TIMP3: variants seen among roughly 807,000 people sequenced by gnomAD.
The protein encoded by TIMP3 is metalloproteinase inhibitor 3.
Under a neutral mutation model 30.0 loss-of-function variants are expected in TIMP3, and 11 were observed. The observed-to-expected ratio is 0.37, with a 90% CI of 0.23 to 0.61. The LOEUF is 0.61. Among genes scored for constraint, TIMP3 ranks in the 20% least tolerant of loss-of-function variants. TIMP3 has a pLI of 0.70. For synonymous variants in TIMP3, 112 were observed against 111.3 expected, an observed-to-expected ratio of 1.01 and a Z score of -0.04; for missense variants, 181 against 276.8, an observed-to-expected ratio of 0.65 and a Z score of 2.45.
chr22:32,822,939 AC>A (rs5845041), intron 1 of TIMP3, among the ~76,000 whole-genome samples: 1 of 116,144 alleles, frequency 8.6e-6, no homozygotes, highest in Non-Finnish European at 1.9e-5. Flanking sequence ...CAAAAAAAAA[AC>A]AGAGAGAGAG....
chr22:32,804,152 A>T (rs1205875277), intron 1 of TIMP3, among the ~76,000 whole-genome samples: 1 of 152,218 alleles, frequency 6.6e-6, no homozygotes, highest in Non-Finnish European at 1.5e-5. Flanking sequence ...ATCAAAAAGA[A>T]AAAAAGAAAC....
At chr22:32,847,087 C>T (rs1050917964) in intron 1 of TIMP3, among the ~76,000 whole-genome samples, 8 of 152,184 alleles carry the variant, frequency 5.3e-5, no homozygotes, top group Admixed American at 5.2e-4. Context: ...TCCCACACCC[C>T]CCGGCCAAGA....
chr22:32,854,205 T>C (rs2146269094), intron 2 of TIMP3, among the ~76,000 whole-genome samples: 1 of 152,322 alleles, frequency 6.6e-6, no homozygotes, highest in South Asian at 2.1e-4. Flanking sequence ...GTTGTTCTTT[T>C]CAGAATTGAC....
rs1287914247 is a variant in TIMP3, at chr22:32,858,177, T to A, written c.438+39T>A. On this transcript the variant is annotated intron_variant, in intron 4 of 4. Coordinates refer to ENST00000266085, the MANE Select transcript of TIMP3 (RefSeq NM_000362.5). Reference sequence around the variant, plus strand: ...TCACTGGGGGAAGGAGGGGAGGTGCTGACTTGCAGCCCTAGAAACATCAGC... The same window carrying A: ...TCACTGGGGGAAGGAGGGGAGGTGCAGACTTGCAGCCCTAGAAACATCAGC... 7 of 1,609,832 alleles carry A rather than the reference T, an allele frequency of 4.3e-6. No individual in the cohort carries two copies. The African/African-American group carries it at 8.0e-5, about 18-fold the overall frequency.
chr22:32,834,874 G>T (rs1017263315), intron 1 of TIMP3, among the ~76,000 whole-genome samples: 1 of 152,192 alleles, frequency 6.6e-6, no homozygotes, highest in African/African-American at 2.4e-5. Flanking sequence ...CAGTCCTAAA[G>T]AATCCTCCAT....
At chr22:32,829,464 A>G (rs548885923) in intron 1 of TIMP3, among the ~76,000 whole-genome samples, 2 of 152,256 alleles carry the variant, frequency 1.3e-5, no homozygotes, top group South Asian at 2.1e-4. Context: ...TTGCACCCAC[A>G]TGTAGGCTCA....
intron 1 of TIMP3, among the ~76,000 whole-genome samples, chr22:32,835,250 C>T (rs1262696615): frequency 1.3e-5 from 2 of 152,188 alleles, no homozygotes; most frequent in African/African-American, 4.8e-5. Context: ...TGTCTTATTT[C>T]ACCCACTGAG....
chr22:32,851,857 C>T (rs1047601793), intron 2 of TIMP3, among the ~76,000 whole-genome samples: 14 of 152,160 alleles, frequency 9.2e-5, no homozygotes, highest in Non-Finnish European at 1.9e-4. Flanking sequence ...TATCCAGAGA[C>T]ACCACTGGAA....
chr22:32,803,339 G>A (rs2046642701), intron 1 of TIMP3, among the ~76,000 whole-genome samples: 1 of 152,188 alleles, frequency 6.6e-6, no homozygotes, highest in Admixed American at 6.5e-5. Context: ...GGAGGGGGAG[G>A]AGGTAGGAGC....
At chr22:32,803,316 C>T (rs899378503) in intron 1 of TIMP3, among the ~76,000 whole-genome samples, 8 of 151,590 alleles carry the variant, frequency 5.3e-5, no homozygotes, top group Non-Finnish European at 8.8e-5. Context: ...ACTCTACCAG[C>T]GTGTTGTGGT....
intron 1 of TIMP3, among the ~76,000 whole-genome samples, chr22:32,842,897 G>C (rs1178539304): frequency 6.6e-6 from 1 of 152,184 alleles, no homozygotes; most frequent in Non-Finnish European, 1.5e-5. Context: ...TGGTGGGTGG[G>C]TGATCAAAGG....
intron 2 of TIMP3, among the ~76,000 whole-genome samples, chr22:32,852,084 C>A (rs1601541569): frequency 6.6e-6 from 1 of 152,212 alleles, no homozygotes; most frequent in Non-Finnish European, 1.5e-5. Flanking sequence ...AGGCATTCTG[C>A]TAGGTCTTTG....
rs575075362 is a variant in TIMP3 at position 32,855,198 on chromosome 22, G to A, written c.205-2051G>A. Among the ~76,000 whole-genome samples, 156 of 152,260 alleles carry A rather than the reference G, an allele frequency of 1.0e-3. 1 individual carries two copies. Among genetic ancestry groups the A allele is most frequent in the Middle Eastern group, 3.4e-3 (1 of 294 alleles). ...TTGTGCAACACCTTGGTGCCCCACC[G>A]CCCCCGTTACCAAATCTCACAGTTC... On this transcript the variant is annotated intron_variant, in intron 2 of 4. Transcript: ENST00000266085.
At position 32,812,667 on chromosome 22, in the gene TIMP3, T is replaced by A. The variant is rs1258622002; in HGVS notation, c.121+10545T>A. 2.2e-4 allele frequency among the ~76,000 whole-genome samples: 34 copies of A among 152,166 alleles called. 1 individual carries two copies. Among genetic ancestry groups the A allele is most frequent in the Non-Finnish European group, 1.5e-4 (10 of 68,038 alleles). ...TGTGGTTCATGGCTCGGCTCAAACA[T>A]TTTCTGTTGCTGAGAGGACTTCTCT... On this transcript the variant is annotated intron_variant, in intron 1 of 4. Transcript: ENST00000266085.
chr22:32,827,830 T>C (rs575087972), intron 1 of TIMP3, among the ~76,000 whole-genome samples: 1 of 152,282 alleles, frequency 6.6e-6, no homozygotes, highest in African/African-American at 2.4e-5. Flanking sequence ...TTTGTCACTG[T>C]CTCTTTTGAA....
Position 32,858,123 on chromosome 22 carries a change from G to A in TIMP3, c.423G>A (p.Leu141=), listed in dbSNP as rs1041552077. 6.2e-7 allele frequency: 1 copy of A among 1,613,886 alleles called. No individual in the cohort carries two copies. The highest frequency in any genetic ancestry group is 1.3e-5 in the African/African-American group (1 of 74,924). The part of the protein sequence containing the change: ...QRKGLNYRYH[L]GCNCKIKSCY... ...AGGGGCTGAACTATCGGTATCACCT[G>A]GGTTGTAACTGCAAGGTAAGCTCTG... Residue 141 remains leucine (L), a synonymous_variant, in exon 4 of 5, where the codon CTG becomes CTA. Coordinates refer to ENST00000266085, the MANE Select transcript of TIMP3 (RefSeq NM_000362.5).
At chr22:32,850,716 C>G (rs2048194422) in intron 2 of TIMP3, among the ~76,000 whole-genome samples, 1 of 152,148 alleles carries the variant, frequency 6.6e-6, no homozygotes, top group Non-Finnish European at 1.5e-5. Context: ...ATATTTGCAT[C>G]CCTAGCAATT....
chr22:32,809,982 A>G (rs191155563), intron 1 of TIMP3, among the ~76,000 whole-genome samples: 5 of 152,334 alleles, frequency 3.3e-5, no homozygotes, highest in Non-Finnish European at 5.9e-5. Context: ...TGCCTGGGAT[A>G]GACAGCAGGT....
rs547508455 is a variant in TIMP3, at chr22:32,843,321, G to T, written c.122-6131G>T. 1.9e-4 allele frequency among the ~76,000 whole-genome samples: 29 copies of T among 152,358 alleles called. No individual in the cohort carries two copies. The South Asian group carries it at 5.8e-3, about 30-fold the overall frequency. ...CCTTCTCCTCTAGATTCACTAATGT[G>T]ATGCTAAGAAAAGCAAGCAGTTTGT... On this transcript the variant is annotated intron_variant, in intron 1 of 4. Transcript: ENST00000266085.
Sources: gnomAD v4.1 joint callset for allele counts (sites outside exome capture counted in the v4.1 genomes callset) on GRCh38, gnomAD v4.1.1 for gene constraint, MANE v1.5 for transcripts, NCBI Gene and HGNC (gene_info 2026-07-23, HGNC 2026-07-21) for gene names.